RUNDC3B: variants seen among roughly 807,000 people sequenced by gnomAD.
RUNDC3B encodes the protein RUN domain-containing protein 3B.
A neutral mutation model predicts 58.4 loss-of-function variants in RUNDC3B; 33 were observed. The observed-to-expected ratio is 0.56, with a 90% confidence interval of 0.43 to 0.75. The LOEUF is 0.75. Ranked by LOEUF, RUNDC3B falls within the 30% of genes least tolerant of loss-of-function variation. The pLI is 0.00. For synonymous variants in RUNDC3B, 193 were observed against 195.2 expected (o/e 0.99, Z 0.10); for missense variants, 501 against 535.7 (o/e 0.94, Z 0.64).
intron 2 of RUNDC3B, among the ~76,000 whole-genome samples, chr7:87,681,755 A>G (rs1314017255): frequency 2.9e-5 from 4 of 137,974 alleles, no homozygotes; most frequent in South Asian, 2.2e-4. Context: ...GCTTACAGCT[A>G]TAATCCCAGC....
At chr7:87,685,509 GA>G (rs5885593) in intron 2 of RUNDC3B, among the ~76,000 whole-genome samples, 3 of 151,622 alleles carry the variant, frequency 2.0e-5, no homozygotes, top group Non-Finnish European at 4.4e-5. Flanking sequence ...TAATAAAAAG[GA>G]AAAAAAATTT....
At chr7:87,679,311 T>C (rs1165457740) in intron 2 of RUNDC3B, among the ~76,000 whole-genome samples, 1 of 149,528 alleles carries the variant, frequency 6.7e-6, no homozygotes, top group Non-Finnish European at 1.5e-5. Flanking sequence ...GCCAGGATGG[T>C]CTCCATCTCC....
intron 8 of RUNDC3B, among the ~76,000 whole-genome samples, chr7:87,785,071 G>A (rs73200335): frequency 0.039 from 5,944 of 152,050 alleles, 171 homozygotes; most frequent in Non-Finnish European, 0.057. Flanking sequence ...TTGGTGCCAC[G>A]GATTTATAGC....
At position 87,737,831 on chromosome 7, in the gene RUNDC3B, C is replaced by T. The variant is rs891159660; in HGVS notation, c.459-1960C>T. On this transcript the variant is annotated intron_variant, in intron 4 of 10. Coordinates refer to ENST00000394654, the MANE Select transcript of RUNDC3B (RefSeq NM_001134405.2). ...ACCATTTTACTTATCTTAAATCATTCGCTTAGAAAATTTACTTATTTACTA... is the reference window on the plus strand; with the variant it reads ...ACCATTTTACTTATCTTAAATCATTTGCTTAGAAAATTTACTTATTTACTA... Among the ~76,000 whole-genome samples, 4 of 151,854 alleles carry T rather than the reference C, an allele frequency of 2.6e-5. No individual in the cohort carries two copies. The South Asian group carries it at 6.2e-4, about 24-fold the overall frequency.
In RUNDC3B at chr7:87,679,525, G is replaced by A. The variant is rs190560115; in HGVS notation, c.239-20896G>A. On this transcript the variant is annotated intron_variant, in intron 2 of 10. Coordinates refer to ENST00000394654, the MANE Select transcript of RUNDC3B (RefSeq NM_001134405.2). ...CCACCTCAGGTTCCTGAGTAGCTGG[G>A]ACTACAGGCACACACCACTACACCC... 3.6e-4 allele frequency among the ~76,000 whole-genome samples: 54 copies of A among 150,092 alleles called. 3 individuals are homozygous for A. The East Asian group carries it at 1.0e-2, about 28-fold the overall frequency.
chr7:87,651,973 G>C (rs1353208475), intron 2 of RUNDC3B, among the ~76,000 whole-genome samples: 1 of 151,886 alleles, frequency 6.6e-6, no homozygotes, highest in Non-Finnish European at 1.5e-5. Flanking sequence ...TTGCTGTTCT[G>C]TGTTTCCTAA....
intron 4 of RUNDC3B, among the ~76,000 whole-genome samples, chr7:87,732,834 A>G (rs1831669159): frequency 6.6e-6 from 1 of 152,246 alleles, no homozygotes. Flanking sequence ...GTACATTTGT[A>G]TGGAGAAGTA....
At position 87,825,451 on chromosome 7, in the gene RUNDC3B, A is replaced by C. The variant is rs374089511; in HGVS notation, c.1226-4434A>C. ...TCAGAAGATGTAGGGAAATACCTGG[A>C]TGCCCAGGCAGAAGTTTGCTGCAGG... On this transcript the variant is annotated intron_variant, in intron 10 of 10. Coordinates refer to ENST00000394654, the MANE Select transcript of RUNDC3B (RefSeq NM_001134405.2). 2.6e-5 allele frequency among the ~76,000 whole-genome samples: 4 copies of C among 152,246 alleles called. No individual in the cohort carries two copies. In the East Asian group the frequency reaches 5.8e-4, roughly 22 times the overall value.
At chr7:87,715,727 A>G (rs931148624) in intron 4 of RUNDC3B, among the ~76,000 whole-genome samples, 39 of 151,704 alleles carry the variant, frequency 2.6e-4, no homozygotes, top group Admixed American at 1.6e-3. Context: ...TAAACTGTAG[A>G]GGGCAAGGGC....
chr7:87,680,609 A>G (rs1301890993), intron 2 of RUNDC3B, among the ~76,000 whole-genome samples: 2 of 150,352 alleles, frequency 1.3e-5, no homozygotes, highest in African/African-American at 4.9e-5. Flanking sequence ...CCTGACTAAC[A>G]TGGTGAAACC....
At chr7:87,822,647 A>C (rs980650809) in intron 10 of RUNDC3B, among the ~76,000 whole-genome samples, 3 of 152,226 alleles carry the variant, frequency 2.0e-5, no homozygotes, top group Non-Finnish European at 4.4e-5. Flanking sequence ...CCAAATGTCC[A>C]ACAACAATAG....
chr7:87,628,734 C>A lies in RUNDC3B; in HGVS notation c.-90C>A. ...TTCCTACATCCTTCCCGCGCCCCCA[C>A]GGTTGCGGACCGAGCGAGAACCCCC... On this transcript the variant is annotated 5_prime_UTR_variant, in exon 1 of 11. Coordinates refer to ENST00000394654, the MANE Select transcript of RUNDC3B (RefSeq NM_001134405.2). 5.1e-6 allele frequency: 4 copies of A among 787,784 alleles called. No homozygotes were observed. The highest frequency in any genetic ancestry group is 4.2e-4 in the Middle Eastern group (1 of 2,390). 48.8% of individuals were successfully genotyped at this position (787,784 alleles called of 1,614,324 possible).
chr7:87,673,381 C>T (rs1429072736), intron 2 of RUNDC3B, among the ~76,000 whole-genome samples: 1 of 152,210 alleles, frequency 6.6e-6, no homozygotes, highest in East Asian at 1.9e-4. Flanking sequence ...TGTCTCTTTA[C>T]ATAATCCCAT....
chr7:87,637,712 G>A lies in RUNDC3B; in HGVS notation c.122+8767G>A, dbSNP rs866398180. Among the ~76,000 whole-genome samples, 4 of 151,770 alleles carry A rather than the reference G, an allele frequency of 2.6e-5. No homozygotes were observed. In the South Asian group the frequency reaches 6.2e-4, roughly 24 times the overall value. ...ATCATTGAAAACTTTTCATTTTCTT[G>A]TGGTTGTTGGTATATCGATATAAAT... On this transcript the variant is annotated intron_variant, in intron 1 of 10. Transcript: ENST00000394654.
intron 9 of RUNDC3B, among the ~76,000 whole-genome samples, chr7:87,807,938 A>G (rs536237363): frequency 2.0e-5 from 3 of 152,260 alleles, no homozygotes; most frequent in Non-Finnish European, 4.4e-5. Flanking sequence ...AAACCGTAGA[A>G]GATATAATCA....
At chr7:87,748,743 G>A (rs1832795362) in intron 6 of RUNDC3B, among the ~76,000 whole-genome samples, 1 of 152,064 alleles carries the variant, frequency 6.6e-6, no homozygotes, top group Non-Finnish European at 1.5e-5. Flanking sequence ...CCATTCTCAA[G>A]ATAATTACCA....
intron 1 of RUNDC3B, among the ~76,000 whole-genome samples, chr7:87,630,804 G>C (rs1821138980): frequency 6.6e-6 from 1 of 151,366 alleles, no homozygotes; most frequent in East Asian, 1.9e-4. Context: ...TTTTGTCTTG[G>C]CTGGCTTTAG....
intron 8 of RUNDC3B, among the ~76,000 whole-genome samples, chr7:87,779,383 A>G (rs1834814447): frequency 6.6e-6 from 1 of 152,020 alleles, no homozygotes; most frequent in African/African-American, 2.4e-5. Context: ...ATGTCCCTTA[A>G]TTTGTGTTTC....
At chr7:87,783,788 G>A (rs994967016) in intron 8 of RUNDC3B, among the ~76,000 whole-genome samples, 6 of 152,106 alleles carry the variant, frequency 3.9e-5, no homozygotes, top group Non-Finnish European at 8.8e-5. Flanking sequence ...TTAAATTCTT[G>A]ACTGGTATTT....
Sources: gnomAD v4.1 joint callset for allele counts (sites outside exome capture counted in the v4.1 genomes callset) on GRCh38, gnomAD v4.1.1 for gene constraint, MANE v1.5 for transcripts, NCBI Gene and HGNC (gene_info 2026-07-23, HGNC 2026-07-21) for gene names.